PTPRG: variants seen among roughly 807,000 people sequenced by gnomAD.
The protein encoded by PTPRG is protein tyrosine phosphatase receptor type G.
In PTPRG, 102 loss-of-function variants were observed where a neutral mutation model predicts 165.3. That is an observed-to-expected ratio of 0.62 (90% confidence interval 0.53 to 0.73). PTPRG has a LOEUF of 0.73. PTPRG is among the 30% of genes least tolerant of loss of function. PTPRG has a pLI of 0.00. For synonymous variants in PTPRG, 675 were observed against 669.5 expected (o/e 1.01, Z -0.13); for missense variants, 1,866 against 1,861.4 (o/e 1.00, Z -0.05).
At chr3:62,000,523 C>A (rs2041148291) in intron 3 of PTPRG, among the ~76,000 whole-genome samples, 1 of 152,084 alleles carries the variant, frequency 6.6e-6, no homozygotes, top group African/African-American at 2.4e-5. Context: ...TTTTGGCATG[C>A]AAATGTTTAC....
At chr3:61,775,908 C>T (rs1051918720) in intron 2 of PTPRG, among the ~76,000 whole-genome samples, 2 of 122,704 alleles carry the variant, frequency 1.6e-5, no homozygotes, top group African/African-American at 6.5e-5. Flanking sequence ...AGGGGAACAT[C>T]ATACACCGGG....
rs1406776699 is a variant in PTPRG, at chr3:61,613,093, T to A, written c.85+50721T>A. ...AGTCAAAAGAACATTTATTTCTCCA[T>A]ATTCAAGGGAAATCACACCCTTTAG... On this transcript the variant is annotated intron_variant, in intron 1 of 29. Transcript: ENST00000474889. 2.6e-5 allele frequency among the ~76,000 whole-genome samples: 4 copies of A among 152,192 alleles called. No individual in the cohort carries two copies. The East Asian group carries it at 7.7e-4, about 29-fold the overall frequency.
intron 1 of PTPRG, among the ~76,000 whole-genome samples, chr3:61,720,641 T>C (rs894143108): frequency 6.6e-6 from 1 of 152,178 alleles, no homozygotes; most frequent in African/African-American, 2.4e-5. Context: ...TAGATGAGGT[T>C]TGGATGGCAA....
intron 2 of PTPRG, among the ~76,000 whole-genome samples, chr3:61,978,372 C>A (rs764541122): frequency 1.6e-4 from 24 of 152,170 alleles, no homozygotes; most frequent in Non-Finnish European, 2.5e-4. Context: ...TACTCTAATT[C>A]TTCCCACAAC....
At chr3:61,677,239 C>T (rs1164198499) in intron 1 of PTPRG, among the ~76,000 whole-genome samples, 7 of 129,100 alleles carry the variant, frequency 5.4e-5, no homozygotes, top group Admixed American at 1.6e-4. Context: ...AGCGAGACTC[C>T]GTCTCAAAAA....
At chr3:61,951,901 C>T (rs1278807390) in intron 2 of PTPRG, among the ~76,000 whole-genome samples, 3 of 152,192 alleles carry the variant, frequency 2.0e-5, no homozygotes, top group Non-Finnish European at 2.9e-5. Context: ...GGGCAGATCA[C>T]GAGGTCAGGA....
In PTPRG at chr3:62,191,452, GC is replaced by G; in HGVS notation, c.1034-14del. 6.2e-7 allele frequency: 1 copy of G among 1,611,620 alleles called. No individual in the cohort carries two copies. The highest frequency in any genetic ancestry group is 8.5e-7 in the Non-Finnish European group (1 of 1,179,118). The stretch of plus-strand genomic sequence containing the variant: ...TTGTTCTGAAAGCTCCCTGAGCTGA[GC>G]CCTGTGTATCTTCAGTTTGCAGCTC... On this transcript the variant is annotated splice_polypyrimidine_tract_variant and intron_variant, in intron 8 of 29. Coordinates refer to ENST00000474889, the MANE Select transcript of PTPRG (RefSeq NM_002841.4).
At chr3:61,743,055 C>G (rs894650193) in intron 1 of PTPRG, 17 of 1,592,372 alleles carry the variant, frequency 1.1e-5, no homozygotes, top group Non-Finnish European at 1.5e-5. Context: ...GGTTCCGGTG[C>G]AGGACTTCCC....
At chr3:62,027,572 C>T (rs145791909) in intron 4 of PTPRG, among the ~76,000 whole-genome samples, 1 of 152,302 alleles carries the variant, frequency 6.6e-6, no homozygotes, top group East Asian at 1.9e-4. Context: ...AAAGCCTCTA[C>T]ACCCTGCAAA....
chr3:61,982,161 C>G (rs1325939980), intron 2 of PTPRG, among the ~76,000 whole-genome samples: 1 of 152,112 alleles, frequency 6.6e-6, no homozygotes, highest in Admixed American at 6.5e-5. Context: ...GTGTACCTAA[C>G]TTTAAGGTTG....
chr3:62,118,084 T>G (rs370275799), intron 5 of PTPRG, among the ~76,000 whole-genome samples: 11 of 152,306 alleles, frequency 7.2e-5, no homozygotes, highest in African/African-American at 2.4e-4. Context: ...AAGAGGGAAG[T>G]ATTATTAATA....
At chr3:61,633,515 G>A (rs1173411483) in intron 1 of PTPRG, among the ~76,000 whole-genome samples, 2 of 152,078 alleles carry the variant, frequency 1.3e-5, no homozygotes, top group African/African-American at 2.4e-5. Context: ...AAATACGATT[G>A]ATTTTTTGTA....
At chr3:61,909,161 G>A (rs1369152445) in intron 2 of PTPRG, among the ~76,000 whole-genome samples, 4 of 152,124 alleles carry the variant, frequency 2.6e-5, no homozygotes, top group Admixed American at 1.3e-4. Context: ...CTCAGTGGTG[G>A]TTCTTCAGCA....
At chr3:61,582,088 C>T (rs1378533646) in intron 1 of PTPRG, among the ~76,000 whole-genome samples, 2 of 152,222 alleles carry the variant, frequency 1.3e-5, no homozygotes, top group African/African-American at 4.8e-5. Flanking sequence ...CCATCTCAGC[C>T]TCCCGCATAA....
intron 1 of PTPRG, among the ~76,000 whole-genome samples, chr3:61,745,051 CTT>C (rs10669472): frequency 9.0e-6 from 1 of 111,620 alleles, no homozygotes; most frequent in Admixed American, 1.1e-4. Context: ...CATTCCCTCA[CTT>C]TTTTTTTTTT....
At chr3:62,063,311 G>C (rs1700882351) in intron 4 of PTPRG, among the ~76,000 whole-genome samples, 1 of 152,178 alleles carries the variant, frequency 6.6e-6, no homozygotes, top group African/African-American at 2.4e-5. Flanking sequence ...CTACAATGGT[G>C]GCAGCCCACT....
At chr3:62,192,393 C>CTTT (rs71123255) in intron 9 of PTPRG, among the ~76,000 whole-genome samples, 948 of 52,676 alleles carry the variant, frequency 0.018, 159 homozygotes, top group South Asian at 0.036. Context: ...CAACTACTGT[C>CTTT]TTTTTTTTTT....
At chr3:61,712,410 T>A (rs927758657) in intron 1 of PTPRG, among the ~76,000 whole-genome samples, 1 of 152,098 alleles carries the variant, frequency 6.6e-6, no homozygotes, top group Non-Finnish European at 1.5e-5. Flanking sequence ...CCATTGATAT[T>A]GTTTGGCTCT....
At chr3:61,767,704 C>T (rs115420307) in intron 2 of PTPRG, among the ~76,000 whole-genome samples, 227 of 152,232 alleles carry the variant, frequency 1.5e-3, no homozygotes, top group African/African-American at 5.2e-3. Context: ...CATAATGGCT[C>T]ATGCCTATAA....
Sources: allele counts gnomAD v4.1 joint callset (sites outside exome capture counted in the v4.1 genomes callset), GRCh38; gene constraint gnomAD v4.1.1; transcripts MANE v1.5; gene names NCBI Gene and HGNC (gene_info 2026-07-23, HGNC 2026-07-21).